Variants in CCDC14 observed in about 807,000 individuals in gnomAD.
CCDC14 encodes the protein coiled-coil domain containing 14, also known as coiled-coil domain-containing protein 14.
A neutral mutation model predicts 81.4 loss-of-function variants in CCDC14; 71 were observed. That is an observed-to-expected ratio of 0.87 (90% CI 0.72 to 1.06). CCDC14 has a LOEUF of 1.06. CCDC14 is among the 50% of genes least tolerant of loss of function. The pLI is 0.00. For synonymous variants in CCDC14, 332 were observed against 364.8 expected (o/e 0.91, Z 1.03); for missense variants, 1,046 against 1,047.3 (o/e 1.00, Z 0.02).
intron 5 of CCDC14, chr3:123,952,615 T>C (rs1277107369): frequency 1.9e-6 from 1 of 531,152 alleles, no homozygotes; most frequent in Non-Finnish European, 3.9e-6. Flanking sequence ...AGGCATTCAG[T>C]GATCAGGTAG....
At position 123,931,421 on chromosome 3, in the gene CCDC14, A is replaced by G. The variant is rs768244318; in HGVS notation, c.1532T>C (p.Ile511Thr). ...TTTGTTTTCATCTTTCTGATTTTCA[A>G]TCACTTTTAACAGCTCTTCATTTTT... is the stretch of plus-strand genomic sequence containing the variant. ...QSKNEELLKV[I>T]ENQKDENKKF... Residue 511 changes from isoleucine to threonine, a missense_variant, in exon 11 of 13, where the codon ATT becomes ACT. By Grantham distance (89) the Ile-to-Thr change is moderately conservative. Transcript: ENST00000409697. 7 of 1,556,638 alleles carry G rather than the reference A, an allele frequency of 4.5e-6. No homozygotes were observed. Among genetic ancestry groups the G allele is most frequent in the East Asian group, 2.4e-5 (1 of 42,524 alleles).
intron 9 of CCDC14, among the ~76,000 whole-genome samples, chr3:123,940,641 C>T (rs966793345): frequency 6.6e-6 from 1 of 152,036 alleles, no homozygotes; most frequent in Non-Finnish European, 1.5e-5. Context: ...ACTGCATTCA[C>T]ACACTCTACC....
At chr3:123,898,339 G>C (rs1183768036) in intron 5 of CCDC14, among the ~76,000 whole-genome samples, 1 of 152,246 alleles carries the variant, frequency 6.6e-6, no homozygotes, top group Non-Finnish European at 1.5e-5. Flanking sequence ...CACAAATGGT[G>C]AGTACTTTTC....
At chr3:123,903,276 A>G (rs1307080726) in intron 5 of CCDC14, among the ~76,000 whole-genome samples, 1 of 150,242 alleles carries the variant, frequency 6.7e-6, no homozygotes, top group East Asian at 1.9e-4. Flanking sequence ...AATTCTCCAT[A>G]ATAAAAAGTA....
intron 9 of CCDC14, among the ~76,000 whole-genome samples, chr3:123,937,620 C>A (rs760584117): frequency 9.2e-5 from 14 of 151,754 alleles, no homozygotes; most frequent in Non-Finnish European, 1.6e-4. Context: ...TTGGTTGCTT[C>A]TTCATTTTTA....
intron 9 of CCDC14, among the ~76,000 whole-genome samples, chr3:123,935,061 C>T (rs1010039326): frequency 6.6e-6 from 1 of 152,056 alleles, no homozygotes; most frequent in African/African-American, 2.4e-5. Context: ...ACAAGGGGTC[C>T]ATAACATTTA....
intron 12 of CCDC14, among the ~76,000 whole-genome samples, chr3:123,930,098 C>T (rs1326269724): frequency 1.3e-5 from 2 of 152,050 alleles, no homozygotes; most frequent in African/African-American, 4.8e-5. Flanking sequence ...CTTGCTTTTG[C>T]CATTGTTAAA....
At chr3:123,907,500 G>C (rs140796104) in intron 5 of CCDC14, among the ~76,000 whole-genome samples, 2 of 150,520 alleles carry the variant, frequency 1.3e-5, no homozygotes, top group East Asian at 2.0e-4. Flanking sequence ...TTGAGCCCAG[G>C]AGTTCAAAAC....
chr3:123,931,594 G>GT, intron 10 of CCDC14, 68 bp from the exon 11 acceptor site: 20 of 566,864 alleles, frequency 3.5e-5, no homozygotes, highest in Non-Finnish European at 5.0e-5. Flanking sequence ...GAAAATACCT[G>GT]TTTCTTAAAA....
At chr3:123,904,638 CT>C (rs2034264292) in intron 5 of CCDC14, among the ~76,000 whole-genome samples, 1 of 147,404 alleles carries the variant, frequency 6.8e-6, no homozygotes. Context: ...AAAAAAAACC[CT>C]GGGATGTGCA....
At chr3:123,904,611 G>A (rs1209542868) in intron 5 of CCDC14, among the ~76,000 whole-genome samples, 2 of 85,948 alleles carry the variant, frequency 2.3e-5, no homozygotes, top group African/African-American at 7.2e-5. Context: ...TCTTTTCATT[G>A]TGGAAAAAAA....
Position 123,944,833 on chromosome 3 carries a change from A to G in CCDC14, c.1343+16T>C, listed in dbSNP as rs200650151. ...TCTTTGCATACAGACAAAAATATTC[A>G]AAGAGCAATTCTTACCTTCGTAACT... On this transcript the variant is annotated intron_variant, in intron 9 of 12. Transcript: ENST00000409697. 935 of 1,592,080 alleles carry G rather than the reference A, an allele frequency of 5.9e-4. 2 individuals are homozygous for G. Among genetic ancestry groups the G allele is most frequent in the Non-Finnish European group, 7.5e-4 (877 of 1,164,756 alleles).
At chr3:123,952,611 T>C in intron 5 of CCDC14, 1 of 531,214 alleles carries the variant, frequency 1.9e-6, no homozygotes, top group Non-Finnish European at 3.9e-6. Flanking sequence ...CCATAGGCAT[T>C]CAGTGATCAG....
chr3:123,908,299 C>A (rs188583247), intron 5 of CCDC14, among the ~76,000 whole-genome samples: 9 of 152,246 alleles, frequency 5.9e-5, no homozygotes. Context: ...TCTTTGAGAT[C>A]GTATCTCCTC....
At chr3:123,927,208 C>A (rs2035415950) in intron 12 of CCDC14, among the ~76,000 whole-genome samples, 1 of 149,590 alleles carries the variant, frequency 6.7e-6, no homozygotes, top group South Asian at 2.1e-4. Context: ...AAGTTCAAGA[C>A]CAGCTGGGGC....
chr3:123,918,466 C>T (rs536367341), intron 12 of CCDC14, among the ~76,000 whole-genome samples: 64 of 152,282 alleles, frequency 4.2e-4, no homozygotes, highest in African/African-American at 1.5e-3. Flanking sequence ...TAGCTACTAT[C>T]CACAGACAAG....
At position 123,902,584 on chromosome 3, in the gene CCDC14, C is replaced by A. The variant is rs185348071; in HGVS notation, c.668-4971G>T. 2.3e-3 allele frequency among the ~76,000 whole-genome samples: 357 copies of A among 152,246 alleles called. 10 individuals are homozygous for A. Among genetic ancestry groups the A allele is most frequent in the Admixed American group, 0.023 (352 of 15,288 alleles). On this transcript the variant is annotated intron_variant, in intron 5 of 5. Transcript: ENST00000479903. ...CTTGCAAAATTCAGACTGTGGGAAGCTTTACAGCACCAAAAACTTGGTTCC... is the reference window on the plus strand; with the variant it reads ...CTTGCAAAATTCAGACTGTGGGAAGATTTACAGCACCAAAAACTTGGTTCC...
intron 5 of CCDC14, among the ~76,000 whole-genome samples, chr3:123,907,666 C>T (rs1197635455): frequency 6.6e-6 from 1 of 151,890 alleles, no homozygotes; most frequent in Non-Finnish European, 1.5e-5. Context: ...GATCATGTCA[C>T]TGCACTCCAG....
Position 123,955,887 on chromosome 3 carries a change from C to G in CCDC14, c.308G>C (p.Arg103Thr), listed in dbSNP as rs1282461717. The change falls in exon 5 of 13, where the codon AGA becomes ACA. Residue 103 changes from arginine (R) to threonine (T), a missense_variant. Coordinates refer to ENST00000409697, the MANE Select transcript of CCDC14 (RefSeq NM_001366335.1). ...ESKRYGSKKK[R>T]HEKHTIPLVV... ...CAAAGGAATAGTATGTTTTTCATGT[C>G]TTTTCTTTTTTGATCCGTATCTTTT... 1.3e-6 allele frequency: 2 copies of G among 1,536,782 alleles called. No homozygotes were observed. Among genetic ancestry groups the G allele is most frequent in the Non-Finnish European group, 1.8e-6 (2 of 1,139,538 alleles).
Sources: allele counts gnomAD v4.1 joint callset (sites outside exome capture counted in the v4.1 genomes callset), GRCh38; gene constraint gnomAD v4.1.1; transcripts MANE v1.5; gene names NCBI Gene and HGNC (gene_info 2026-07-23, HGNC 2026-07-21).